The following GRIN2A variants were observed in gnomAD, a reference collection of about 807,000 sequenced individuals.
GRIN2A encodes the protein glutamate ionotropic receptor NMDA type subunit 2A.
Under a neutral mutation model 113.4 loss-of-function variants are expected in GRIN2A, and 22 were observed. The observed-to-expected ratio is 0.19, with a 90% confidence interval of 0.14 to 0.28. GRIN2A has a LOEUF of 0.28. Ranked by LOEUF, GRIN2A falls within the 10% of genes least tolerant of loss-of-function variation. The pLI, the probability that GRIN2A is intolerant of heterozygous loss-of-function variation, is 1.00. For synonymous variants in GRIN2A, 827 were observed against 738.4 expected (o/e 1.12, Z -1.94); for missense variants, 1,502 against 1,887.0 (o/e 0.80, Z 3.78).
At chr16:10,172,232 T>G (rs964666188) in intron 2 of GRIN2A, among the ~76,000 whole-genome samples, 2 of 152,256 alleles carry the variant, frequency 1.3e-5, no homozygotes, top group African/African-American at 4.8e-5. Context: ...TTGAATTTCA[T>G]TCTTCAGACT....
chr16:9,991,191 G>C (rs1021735525), intron 2 of GRIN2A, among the ~76,000 whole-genome samples: 1 of 152,196 alleles, frequency 6.6e-6, no homozygotes, highest in Non-Finnish European at 1.5e-5. Flanking sequence ...CACATTATAG[G>C]AGTTATCAGA....
At chr16:9,845,554 TG>T (rs1394131406) in intron 5 of GRIN2A, among the ~76,000 whole-genome samples, 1 of 152,140 alleles carries the variant, frequency 6.6e-6, no homozygotes, top group Non-Finnish European at 1.5e-5. Flanking sequence ...GAACATCCTC[TG>T]ACAACTTTCC....
At chr16:10,014,297 C>T (rs2046562994) in intron 2 of GRIN2A, among the ~76,000 whole-genome samples, 1 of 152,224 alleles carries the variant, frequency 6.6e-6, no homozygotes, top group African/African-American at 2.4e-5. Flanking sequence ...AAATGCAAGA[C>T]CAGTATGTAT....
intron 2 of GRIN2A, among the ~76,000 whole-genome samples, chr16:10,083,787 A>C (rs1190162134): frequency 6.6e-6 from 1 of 152,160 alleles, no homozygotes; most frequent in Admixed American, 6.5e-5. Context: ...CAGTTTCCTC[A>C]TCTTTTCAAC....
At chr16:9,919,574 G>A (rs757394985) in intron 3 of GRIN2A, among the ~76,000 whole-genome samples, 3 of 152,178 alleles carry the variant, frequency 2.0e-5, no homozygotes, top group Non-Finnish European at 2.9e-5. Context: ...CCTAGGAAAA[G>A]CTGGTGTCTA....
intron 10 of GRIN2A, among the ~76,000 whole-genome samples, chr16:9,813,902 C>T (rs117572631): frequency 0.031 from 4,675 of 152,186 alleles, 93 homozygotes; most frequent in Non-Finnish European, 0.042. Flanking sequence ...TGTCTATGCC[C>T]GCTTTCGAAT....
At chr16:9,818,568 T>A (rs550750648) in intron 10 of GRIN2A, among the ~76,000 whole-genome samples, 27 of 151,196 alleles carry the variant, frequency 1.8e-4, no homozygotes, top group African/African-American at 6.0e-4. Flanking sequence ...AAGGCTCATC[T>A]GTCCAATATA....
At position 9,849,873 on chromosome 16, in the gene GRIN2A, T is replaced by C. The variant is rs773990289; in HGVS notation, c.1211A>G (p.Asn404Ser). ...KSFSDCEPDD[N>S]HLSIVTLEEA... ...CTCCAGGGTGACGATGCTGAGATGGTTGTCATCCGGCTCACAGTCGGAGAA... is the reference window on the plus strand; with the variant it reads ...CTCCAGGGTGACGATGCTGAGATGGCTGTCATCCGGCTCACAGTCGGAGAA... The change falls in exon 5 of 13, where the codon AAC becomes AGC. Residue 404 changes from asparagine (N) to serine (S), a missense_variant. By Grantham distance (46) the Asn-to-Ser change is conservative. Coordinates refer to ENST00000330684, the MANE Select transcript of GRIN2A (RefSeq NM_001134407.3). 3.1e-6 allele frequency: 5 copies of C among 1,613,996 alleles called. No homozygotes were observed. Among genetic ancestry groups the C allele is most frequent in the Non-Finnish European group, 4.2e-6 (5 of 1,179,916 alleles).
At chr16:10,119,649 A>G (rs943576654) in intron 2 of GRIN2A, among the ~76,000 whole-genome samples, 1 of 152,192 alleles carries the variant, frequency 6.6e-6, no homozygotes, top group African/African-American at 2.4e-5. Flanking sequence ...GGGATTTGGT[A>G]CACACATTTG....
intron 10 of GRIN2A, among the ~76,000 whole-genome samples, chr16:9,815,286 CTATCAATGTAATAGCTAGAA>C (rs995298871): frequency 6.6e-6 from 1 of 151,272 alleles, no homozygotes; most frequent in African/African-American, 2.4e-5. Flanking sequence ...TCAAAAGACA[CTATCAATGTAATAGCTAGAA>C]TATAAAAAGG....
At chr16:10,075,944 C>A (rs2047864583) in intron 2 of GRIN2A, among the ~76,000 whole-genome samples, 1 of 152,186 alleles carries the variant, frequency 6.6e-6, no homozygotes, top group Non-Finnish European at 1.5e-5. Context: ...TCCAGAAATT[C>A]CCTTAGCCAC....
At chr16:9,841,378 A>C (rs2042676521) in intron 5 of GRIN2A, among the ~76,000 whole-genome samples, 1 of 152,214 alleles carries the variant, frequency 6.6e-6, no homozygotes, top group African/African-American at 2.4e-5. Context: ...ATTAATCTTC[A>C]TGACATTTTC....
At chr16:10,113,085 C>T (rs1032979570) in intron 2 of GRIN2A, among the ~76,000 whole-genome samples, 4 of 146,700 alleles carry the variant, frequency 2.7e-5, no homozygotes, top group African/African-American at 1.0e-4. Flanking sequence ...GCTCCCTGGG[C>T]CAGGCTGCCT....
At chr16:10,144,865 G>A (rs1481811386) in intron 2 of GRIN2A, among the ~76,000 whole-genome samples, 1 of 136,676 alleles carries the variant, frequency 7.3e-6, no homozygotes, top group East Asian at 2.4e-4. Context: ...AGACTGCAGT[G>A]AGCTGAGATC....
At chr16:10,115,889 A>G (rs974268749) in intron 2 of GRIN2A, among the ~76,000 whole-genome samples, 5 of 152,224 alleles carry the variant, frequency 3.3e-5, no homozygotes, top group African/African-American at 1.2e-4. Flanking sequence ...AATTAGTTCA[A>G]CCATTGTGGA....
chr16:9,783,231 C>G (rs1265635314), intron 11 of GRIN2A, among the ~76,000 whole-genome samples: 2 of 152,230 alleles, frequency 1.3e-5, no homozygotes, highest in Non-Finnish European at 2.9e-5. Flanking sequence ...AATCAACGGT[C>G]TTTAGCTGCA....
chr16:10,101,504 G>C (rs886934149), intron 2 of GRIN2A, among the ~76,000 whole-genome samples: 1 of 152,236 alleles, frequency 6.6e-6, no homozygotes, highest in African/African-American at 2.4e-5. Flanking sequence ...AGCTTTCTGA[G>C]CAACAGCAGA....
chr16:9,973,205 C>T (rs973515075), intron 2 of GRIN2A, among the ~76,000 whole-genome samples: 1 of 152,194 alleles, frequency 6.6e-6, no homozygotes, highest in Admixed American at 6.5e-5. Context: ...CAGCCTTCAA[C>T]TGCATGACTC....
At chr16:9,981,152 A>G (rs2045884903) in intron 2 of GRIN2A, among the ~76,000 whole-genome samples, 1 of 152,056 alleles carries the variant, frequency 6.6e-6, no homozygotes, top group African/African-American at 2.4e-5. Context: ...TGCACAAATT[A>G]CCATTAGAAT....
Sources: gnomAD v4.1 joint callset for allele counts (sites outside exome capture counted in the v4.1 genomes callset) on GRCh38, gnomAD v4.1.1 for gene constraint, MANE v1.5 for transcripts, NCBI Gene and HGNC (gene_info 2026-07-23, HGNC 2026-07-21) for gene names.